The following PTPRD variants were observed in gnomAD, a reference collection of about 807,000 sequenced individuals.
The protein encoded by PTPRD is receptor-type tyrosine-protein phosphatase delta.
PTPRD carries 34 observed loss-of-function variants against 214.5 expected under a neutral mutation model. That is an observed-to-expected ratio of 0.16 (90% CI 0.12 to 0.21). The LOEUF (loss-of-function observed/expected upper bound fraction) is 0.21. PTPRD is among the 10% of genes least tolerant of loss of function. PTPRD has a pLI of 1.00. For missense variants in PTPRD, 2,545 were observed against 2,398.7 expected (o/e 1.06, Z -1.27); for synonymous variants, 1,128 against 845.7 (o/e 1.33, Z -5.79).
chr9:10,220,135 AT>A (rs1262238277), intron 3 of PTPRD, among the ~76,000 whole-genome samples: 2 of 151,812 alleles, frequency 1.3e-5, no homozygotes, highest in African/African-American at 4.8e-5. Context: ...TAGCATTAAA[AT>A]TTTTTTTAGT....
chr9:9,811,900 G>A (rs2047259244), intron 5 of PTPRD, among the ~76,000 whole-genome samples: 1 of 152,128 alleles, frequency 6.6e-6, no homozygotes, highest in African/African-American at 2.4e-5. Context: ...AAACAACATT[G>A]TATGCTACAT....
chr9:8,674,899 T>C (rs2154366984), intron 12 of PTPRD, among the ~76,000 whole-genome samples: 1 of 152,346 alleles, frequency 6.6e-6, no homozygotes, highest in South Asian at 2.1e-4. Flanking sequence ...GCCAAGGTCC[T>C]CCTACTTCTG....
chr9:9,586,064 T>C (rs2091890754), intron 7 of PTPRD, among the ~76,000 whole-genome samples: 1 of 152,028 alleles, frequency 6.6e-6, no homozygotes, highest in Non-Finnish European at 1.5e-5. Flanking sequence ...CTGGCCATTC[T>C]GAACCAATTG....
At chr9:9,410,701 T>C (rs1031651892) in intron 8 of PTPRD, among the ~76,000 whole-genome samples, 27 of 152,288 alleles carry the variant, frequency 1.8e-4, no homozygotes, top group South Asian at 8.3e-4. Context: ...TGCTGGTTCA[T>C]TGAAACTGTA....
At chr9:9,551,808 T>C (rs143222744) in intron 8 of PTPRD, among the ~76,000 whole-genome samples, 2,517 of 152,072 alleles carry the variant, frequency 0.017, 39 homozygotes, top group Admixed American at 0.026. Context: ...AACCAACTTA[T>C]GTATCTGCTA....
At chr9:8,443,863 G>C (rs1426519286) in intron 34 of PTPRD, among the ~76,000 whole-genome samples, 1 of 152,006 alleles carries the variant, frequency 6.6e-6, no homozygotes, top group Non-Finnish European at 1.5e-5. Context: ...AATTTTCTTT[G>C]CTGGGAAAAA....
intron 3 of PTPRD, among the ~76,000 whole-genome samples, chr9:10,183,033 G>A (rs184694717): frequency 6.6e-6 from 1 of 152,106 alleles, no homozygotes; most frequent in Non-Finnish European, 1.5e-5. Flanking sequence ...AAAAAGGTAA[G>A]TGGGGATAAT....
At chr9:9,991,230 G>A (rs540636377) in intron 4 of PTPRD, among the ~76,000 whole-genome samples, 4 of 151,672 alleles carry the variant, frequency 2.6e-5, no homozygotes, top group Admixed American at 6.6e-5. Flanking sequence ...CACCATGCCC[G>A]GCTGAGTAAA....
rs114448392 is a variant in PTPRD, at chr9:10,010,617, G to A, written c.-472+23101C>T. On this transcript the variant is annotated intron_variant, in intron 4 of 45. Transcript: ENST00000381196. Reference sequence around the variant, plus strand: ...AGTTGTATACTCAACTCAGTTAATGGTGGCTGGATTTCCAAGCCAGAGGTA... The same window carrying A: ...AGTTGTATACTCAACTCAGTTAATGATGGCTGGATTTCCAAGCCAGAGGTA... Among the ~76,000 whole-genome samples, 372 of 151,850 alleles carry A rather than the reference G, an allele frequency of 2.4e-3. 3 individuals carry two copies. The highest frequency in any genetic ancestry group is 8.7e-3 in the African/African-American group (361 of 41,428).
intron 3 of PTPRD, among the ~76,000 whole-genome samples, chr9:10,222,457 T>G (rs2099574528): frequency 6.6e-6 from 1 of 152,156 alleles, no homozygotes; most frequent in South Asian, 2.1e-4. Flanking sequence ...ATGTCTTTAT[T>G]GTCAGTTCTC....
chr9:9,499,471 T>C (rs923646349), intron 8 of PTPRD, among the ~76,000 whole-genome samples: 7 of 152,146 alleles, frequency 4.6e-5, no homozygotes, highest in East Asian at 1.9e-4. Flanking sequence ...TTATAAACTT[T>C]ACTTCAGCTA....
At chr9:9,895,091 T>C (rs759844159) in intron 5 of PTPRD, among the ~76,000 whole-genome samples, 1 of 151,988 alleles carries the variant, frequency 6.6e-6, no homozygotes, top group Non-Finnish European at 1.5e-5. Flanking sequence ...GGGATATGAG[T>C]TACAAAGCAA....
chr9:9,887,052 A>T (rs75450012), intron 5 of PTPRD, among the ~76,000 whole-genome samples: 2,569 of 152,190 alleles, frequency 0.017, 75 homozygotes, highest in African/African-American at 0.059. Context: ...TTATAAGGAA[A>T]TTTGTTTTGC....
At chr9:10,367,639 G>A (rs1289412139) in intron 2 of PTPRD, among the ~76,000 whole-genome samples, 1 of 152,150 alleles carries the variant, frequency 6.6e-6, no homozygotes, top group Non-Finnish European at 1.5e-5. Flanking sequence ...AGTGAAAAAT[G>A]AGAAGGCGGG....
At chr9:10,088,627 A>G (rs559069412) in intron 3 of PTPRD, among the ~76,000 whole-genome samples, 2 of 151,876 alleles carry the variant, frequency 1.3e-5, no homozygotes, top group South Asian at 4.1e-4. Context: ...AATGTCTGCA[A>G]TGTGGGGGCA....
intron 11 of PTPRD, among the ~76,000 whole-genome samples, chr9:8,935,479 C>G (rs578169878): frequency 3.3e-5 from 5 of 152,168 alleles, no homozygotes; most frequent in Admixed American, 3.3e-4. Flanking sequence ...ATTTAAAATA[C>G]CAGCAAACAA....
intron 5 of PTPRD, among the ~76,000 whole-genome samples, chr9:9,834,210 T>C (rs557905754): frequency 6.6e-6 from 1 of 152,194 alleles, no homozygotes; most frequent in East Asian, 1.9e-4. Flanking sequence ...CCGGTCCCTC[T>C]GTTTGGGGTC....
intron 7 of PTPRD, among the ~76,000 whole-genome samples, chr9:9,619,978 AAG>A (rs1179805449): frequency 6.6e-6 from 1 of 151,600 alleles, no homozygotes; most frequent in Admixed American, 6.6e-5. Flanking sequence ...TATATGGAGA[AAG>A]AGAGAGAGAA....
intron 10 of PTPRD, among the ~76,000 whole-genome samples, chr9:9,034,223 A>C (rs2154378852): frequency 6.6e-6 from 1 of 152,236 alleles, no homozygotes; most frequent in Non-Finnish European, 1.5e-5. Context: ...ATATAGGTGA[A>C]TCCTGGAACC....
Sources: allele counts gnomAD v4.1 joint callset (sites outside exome capture counted in the v4.1 genomes callset), GRCh38; gene constraint gnomAD v4.1.1; transcripts MANE v1.5; gene names NCBI Gene and HGNC (gene_info 2026-07-23, HGNC 2026-07-21).